The following TRIM49 variants were observed in gnomAD, a reference collection of about 807,000 sequenced individuals.
TRIM49 encodes the protein tripartite motif containing 49, also known as tripartite motif-containing protein 49.
A neutral mutation model predicts 27.4 loss-of-function variants in TRIM49; 5 were observed. That is an observed-to-expected ratio of 0.18 (90% CI 0.10 to 0.38). The LOEUF is 0.38. Among genes scored for constraint, TRIM49 ranks in the 10% least tolerant of loss-of-function variants. TRIM49 has a pLI of 1.00. For synonymous variants in TRIM49, 69 were observed against 166.0 expected (o/e 0.42, Z 4.49); for missense variants, 188 against 487.5 (o/e 0.39, Z 5.79).
At chr11:89,787,854 C>T in the TRIM49 span, 3 of 436,458 alleles carry the variant, frequency 6.9e-6, no homozygotes, top group Admixed American at 1.0e-4. Context: ...TCCGCGGGTG[C>T]TTGACACGGG....
chr11:89,793,195 T>C (rs928621038), downstream of TRIM49, among the ~76,000 whole-genome samples: 16 of 152,124 alleles, frequency 1.1e-4, no homozygotes, highest in Non-Finnish European at 1.9e-4. Context: ...AGAAGTTGAA[T>C]CCCTGAATAG....
At chr11:89,803,994 G>T in intron 3 of TRIM49, 65 bp downstream of exon 3, 1 of 1,611,566 alleles carries the variant, frequency 6.2e-7, no homozygotes, top group Non-Finnish European at 8.5e-7. Context: ...CAATCTCCAA[G>T]AAAATAGACC....
chr11:89,791,086 C>G, the TRIM49 span, among the ~76,000 whole-genome samples: 1 of 149,098 alleles, frequency 6.7e-6, no homozygotes, highest in Non-Finnish European at 1.5e-5. Flanking sequence ...GGCAGGAGAA[C>G]TACGTGATGA....
At chr11:89,800,822 G>C (rs1949729924) in intron 6 of TRIM49, 144 bp downstream of exon 6, 1 of 564,352 alleles carries the variant, frequency 1.8e-6, no homozygotes, top group Non-Finnish European at 3.2e-6. Context: ...TCGTGGCCTT[G>C]TCTTTTAAGG....
chr11:89,768,956 A>C, the TRIM49 span: 1 of 421,786 alleles, frequency 2.4e-6, no homozygotes, highest in South Asian at 1.8e-5. Flanking sequence ...AGGTGGGTGG[A>C]TCACCTGAGG....
At chr11:89,797,452 G>T (rs1486917971), downstream of TRIM49, among the ~76,000 whole-genome samples, 8 of 145,406 alleles carry the variant, frequency 5.5e-5, 1 homozygote, top group Non-Finnish European at 1.0e-4. Context: ...TTCCTTTCAG[G>T]ACTTCAATCT....
At chr11:89,777,732 C>T in the TRIM49 span, among the ~76,000 whole-genome samples, 1 of 149,260 alleles carries the variant, frequency 6.7e-6, no homozygotes, top group Non-Finnish European at 1.5e-5. Context: ...TCCCTTAAAA[C>T]TCTCTATTAT....
At chr11:89,777,223 C>A in the TRIM49 span, 1 of 1,548,700 alleles carries the variant, frequency 6.5e-7, no homozygotes, top group Non-Finnish European at 8.7e-7. Context: ...ACAGACCAGA[C>A]CTCAGAACAT....
chr11:89,772,664 G>T, the TRIM49 span, among the ~76,000 whole-genome samples: 2 of 134,924 alleles, frequency 1.5e-5, no homozygotes, highest in Admixed American at 6.9e-5. Context: ...ATGATTAGAT[G>T]GAACCCTTGT....
chr11:89,778,073 T>G, the TRIM49 span: 2 of 568,272 alleles, frequency 3.5e-6, no homozygotes, highest in African/African-American at 3.7e-5. Context: ...TGGCTTATAC[T>G]TTTTAGCTAA....
chr11:89,792,788 A>G (rs1166417023), downstream of TRIM49, among the ~76,000 whole-genome samples: 1 of 152,140 alleles, frequency 6.6e-6, no homozygotes, highest in Non-Finnish European at 1.5e-5. Flanking sequence ...CACAAGAGAA[A>G]GCAGGAAAGA....
chr11:89,793,567 G>GACATGA (rs1302736233), downstream of TRIM49, among the ~76,000 whole-genome samples: 1 of 152,130 alleles, frequency 6.6e-6, no homozygotes, highest in East Asian at 2.0e-4. Flanking sequence ...TGGGATCCAA[G>GACATGA]GCTGGTTCAA....
rs1304100481 is a variant in TRIM49 at position 89,808,480 on chromosome 11, A to G, written c.-234T>C. 6.6e-6 allele frequency: 1 copy of G among 150,770 alleles called. No homozygotes were observed. The highest frequency in any genetic ancestry group is 1.5e-5 in the Non-Finnish European group (1 of 67,964). The allele number at this position is 150,770 out of a possible 1,614,324, so 9.3% of individuals were successfully genotyped here. ...TAAGCAAATGTGAGATCCTGGGTACAGTCCATCAGGAAAAGAAATCCCCCG... is the reference window on the plus strand; with the variant it reads ...TAAGCAAATGTGAGATCCTGGGTACGGTCCATCAGGAAAAGAAATCCCCCG... On this transcript the variant is annotated 5_prime_UTR_variant, in exon 1 of 8. Transcript: ENST00000329758.
At chr11:89,783,443 G>A in the TRIM49 span, among the ~76,000 whole-genome samples, 1 of 105,650 alleles carries the variant, frequency 9.5e-6, no homozygotes, top group Non-Finnish European at 1.9e-5. Context: ...TTTTCAGATT[G>A]ATATCAAAGA....
the TRIM49 span, chr11:89,787,845 C>T: frequency 1.1e-5 from 5 of 450,294 alleles, no homozygotes; most frequent in South Asian, 1.3e-4. Flanking sequence ...ACGTGAGAGT[C>T]CGCGGGTGCT....
the TRIM49 span, among the ~76,000 whole-genome samples, chr11:89,774,304 A>G: frequency 6.6e-6 from 1 of 151,128 alleles, no homozygotes; most frequent in Non-Finnish European, 1.5e-5. Context: ...TTGCCCAGCT[A>G]CTTAAAATAT....
chr11:89,791,412 A>G, the TRIM49 span, among the ~76,000 whole-genome samples: 1 of 151,730 alleles, frequency 6.6e-6, no homozygotes, highest in Non-Finnish European at 1.5e-5. Context: ...GATACTCCTC[A>G]AGAAGAGCAA....
chr11:89,767,097 A>G, the TRIM49 span: 1 of 442,176 alleles, frequency 2.3e-6, no homozygotes, highest in South Asian at 2.3e-5. Flanking sequence ...AGAACGTTCC[A>G]GTGAAAAGCA....
At chr11:89,769,835 A>G in the TRIM49 span, among the ~76,000 whole-genome samples, 1 of 94,710 alleles carries the variant, frequency 1.1e-5, no homozygotes, top group South Asian at 4.0e-4. Context: ...GAAACTCAGC[A>G]GGAAGAGTGT....
Sources: gnomAD v4.1 joint callset for allele counts (sites outside exome capture counted in the v4.1 genomes callset) on GRCh38, gnomAD v4.1.1 for gene constraint, MANE v1.5 for transcripts, NCBI Gene and HGNC (gene_info 2026-07-23, HGNC 2026-07-21) for gene names.